Variants in GRIP1 observed in about 807,000 individuals in gnomAD.
GRIP1 encodes glutamate receptor-interacting protein 1.
A neutral mutation model predicts 129.9 loss-of-function variants in GRIP1; 45 were observed. The ratio of observed to expected loss-of-function variants is 0.35; its 90% CI spans 0.27 to 0.44. The LOEUF (loss-of-function observed/expected upper bound fraction) is 0.44. Ranked by LOEUF, GRIP1 falls within the 20% of genes least tolerant of loss-of-function variation. GRIP1 has a pLI of 1.00. For missense variants in GRIP1, 1,196 were observed against 1,396.8 expected, an observed-to-expected ratio of 0.86 and a Z score of 2.29; for synonymous variants, 530 against 520.8, an observed-to-expected ratio of 1.02 and a Z score of -0.24.
intron 1 of GRIP1, among the ~76,000 whole-genome samples, chr12:66,872,576 T>C (rs1385560305): frequency 1.3e-5 from 2 of 151,982 alleles, no homozygotes; most frequent in African/African-American, 4.8e-5. Flanking sequence ...CTACAAAAGG[T>C]GGTACAGGCA....
At chr12:66,730,701 C>CAAAAAAAAAAAAAA (rs3051132) in intron 1 of GRIP1, among the ~76,000 whole-genome samples, 1 of 71,188 alleles carries the variant, frequency 1.4e-5, no homozygotes, top group Non-Finnish European at 2.7e-5. Context: ...GGGTCATCTA[C>CAAAAAAAAAAAAAA]AAAAAAAAAA....
At chr12:66,439,479 T>C (rs998095943) in intron 13 of GRIP1, among the ~76,000 whole-genome samples, 11 of 152,246 alleles carry the variant, frequency 7.2e-5, no homozygotes, top group African/African-American at 2.4e-4. Context: ...GATCTATTAT[T>C]GATTCTCATC....
At chr12:66,728,464 C>T (rs1024117863) in intron 1 of GRIP1, among the ~76,000 whole-genome samples, 1 of 152,152 alleles carries the variant, frequency 6.6e-6, no homozygotes, top group Non-Finnish European at 1.5e-5. Flanking sequence ...CCATCACACC[C>T]GTATTCAGGG....
chr12:66,782,267 G>A (rs532111070), intron 1 of GRIP1, among the ~76,000 whole-genome samples: 8 of 152,206 alleles, frequency 5.3e-5, no homozygotes, highest in South Asian at 2.1e-4. Flanking sequence ...TTAGGAATTC[G>A]GATTGAGATC....
intron 1 of GRIP1, among the ~76,000 whole-genome samples, chr12:66,891,414 G>C (rs1389409621): frequency 6.6e-6 from 1 of 152,186 alleles, no homozygotes; most frequent in Non-Finnish European, 1.5e-5. Context: ...CTTTCAGAAG[G>C]ATGGGACAGT....
intron 13 of GRIP1, among the ~76,000 whole-genome samples, chr12:66,436,235 A>G: frequency 6.6e-6 from 1 of 152,226 alleles, no homozygotes; most frequent in Non-Finnish European, 1.5e-5. Context: ...TAGCACAGTA[A>G]GATAACAACC....
At chr12:66,651,215 C>G (rs2032770494) in intron 1 of GRIP1, among the ~76,000 whole-genome samples, 1 of 152,092 alleles carries the variant, frequency 6.6e-6, no homozygotes, top group Admixed American at 6.6e-5. Context: ...GAAAAGAAAC[C>G]TAGAATTTCA....
At chr12:66,604,296 G>A (rs750663702) in intron 1 of GRIP1, among the ~76,000 whole-genome samples, 11 of 152,210 alleles carry the variant, frequency 7.2e-5, no homozygotes, top group Non-Finnish European at 1.2e-4. Context: ...AATCCTCTCT[G>A]AAATTAATGA....
chr12:66,736,478 C>G (rs2036607562), intron 1 of GRIP1, among the ~76,000 whole-genome samples: 2 of 144,842 alleles, frequency 1.4e-5, no homozygotes, highest in Non-Finnish European at 3.0e-5. Context: ...ATACTGTATT[C>G]TTAAAGCTAG....
rs76191713 is a variant in GRIP1 at position 67,041,629 on chromosome 12, A to G, written c.58+27421T>C. Among the ~76,000 whole-genome samples, 131 of 152,274 alleles carry G rather than the reference A, an allele frequency of 8.6e-4. No individual in the cohort carries two copies. The East Asian group carries it at 0.021, about 24-fold the overall frequency. Reference sequence around the variant, plus strand: ...AATCAGACATCAGTAAATGCTTCAAAGTAGTTCATCTAGCAGACAAGTATG... The same window carrying G: ...AATCAGACATCAGTAAATGCTTCAAGGTAGTTCATCTAGCAGACAAGTATG... On this transcript the variant is annotated intron_variant, in intron 1 of 1. Transcript: ENST00000643019.
At chr12:66,908,697 A>T (rs931620522) in intron 1 of GRIP1, among the ~76,000 whole-genome samples, 1 of 152,340 alleles carries the variant, frequency 6.6e-6, no homozygotes, top group East Asian at 1.9e-4. Context: ...ACCAGAGGGA[A>T]AAAATGATAT....
intron 7 of GRIP1, among the ~76,000 whole-genome samples, chr12:66,513,605 T>C (rs1379640176): frequency 6.6e-6 from 1 of 152,184 alleles, no homozygotes; most frequent in African/African-American, 2.4e-5. Context: ...AAAGGATACC[T>C]TAAAATTTTA....
At chr12:66,457,008 AATT>A (rs1384107101) in intron 9 of GRIP1, among the ~76,000 whole-genome samples, 7 of 152,188 alleles carry the variant, frequency 4.6e-5, no homozygotes, top group Admixed American at 2.0e-4. Context: ...CATTAGAAAT[AATT>A]ATTAAAATAT....
chr12:67,069,012 C>A, intron 1 of GRIP1: 2 of 897,808 alleles, frequency 2.2e-6, no homozygotes, highest in Non-Finnish European at 2.7e-6. Flanking sequence ...CCGGCCCGGA[C>A]CCCTGCCCTC....
chr12:66,704,095 T>C (rs2035445443), intron 1 of GRIP1, among the ~76,000 whole-genome samples: 1 of 152,144 alleles, frequency 6.6e-6, no homozygotes, highest in African/African-American at 2.4e-5. Context: ...GATATATTTA[T>C]ATCAAAGATA....
At chr12:66,452,914 T>G (rs1461365569) in intron 11 of GRIP1, among the ~76,000 whole-genome samples, 1 of 152,162 alleles carries the variant, frequency 6.6e-6, no homozygotes, top group Non-Finnish European at 1.5e-5. Context: ...TTTTGAAGTG[T>G]GAATAAAAGT....
chr12:66,771,065 C>T (rs2037802878), intron 1 of GRIP1, among the ~76,000 whole-genome samples: 2 of 152,070 alleles, frequency 1.3e-5, no homozygotes, highest in Admixed American at 1.3e-4. Flanking sequence ...TGCCTTCCAA[C>T]CTGGGCAACA....
intron 1 of GRIP1, among the ~76,000 whole-genome samples, chr12:67,041,192 T>C (rs892086192): frequency 2.6e-5 from 4 of 152,148 alleles, no homozygotes; most frequent in Admixed American, 2.0e-4. Flanking sequence ...TATACAAATA[T>C]ACGTGTGTAT....
chr12:66,563,431 G>C (rs1469120870), intron 2 of GRIP1: 1 of 152,146 alleles, frequency 6.6e-6, no homozygotes, highest in Non-Finnish European at 1.5e-5. Context: ...AGAGGAAAAA[G>C]GGAAGCTTTT....
Sources: allele counts gnomAD v4.1 joint callset (sites outside exome capture counted in the v4.1 genomes callset), GRCh38; gene constraint gnomAD v4.1.1; transcripts MANE v1.5; gene names NCBI Gene and HGNC (gene_info 2026-07-23, HGNC 2026-07-21).